H3-3B: variants seen among roughly 807,000 people sequenced by gnomAD.
H3-3B encodes the protein histone H3.3.
A neutral mutation model predicts 13.1 loss-of-function variants in H3-3B; 2 were observed. The observed-to-expected ratio is 0.15, with a 90% CI of 0.06 to 0.48. H3-3B has a LOEUF of 0.48. H3-3B is among the 20% of genes least tolerant of loss of function. H3-3B has a pLI of 0.97. For missense variants in H3-3B, 39 were observed against 186.0 expected, an observed-to-expected ratio of 0.21 and a Z score of 4.60; for synonymous variants, 133 against 75.8, an observed-to-expected ratio of 1.76 and a Z score of -3.92.
rs1599342146 is a variant in H3-3B at position 75,777,349 on chromosome 17, C to A, written c.*1246G>T. On this transcript the variant is annotated 3_prime_UTR_variant, in exon 4 of 4. Coordinates refer to ENST00000254810, the MANE Select transcript of H3-3B (RefSeq NM_005324.5). ...CTTTATAAATAAAAGGTTCCTTTAT[C>A]CACCAAACAACACCTGAAATGATCT... is the stretch of plus-strand genomic sequence containing the variant. The A allele has an allele frequency of 6.6e-6, 1 of 152,556 alleles. No individual in the cohort carries two copies. Among genetic ancestry groups the A allele is most frequent in the Admixed American group, 6.5e-5 (1 of 15,274 alleles). The allele number at this position is 152,556 out of a possible 1,614,324, so 9.5% of individuals were successfully genotyped here.
At position 75,778,562 on chromosome 17, in the gene H3-3B, T is replaced by C. The variant is rs1393589851; in HGVS notation, c.*33A>G. ...AATTAAACCAAAGTATTTTACAGAA[T>C]TTACTACAAAACGCCATAAAAACTG... On this transcript the variant is annotated 3_prime_UTR_variant, in exon 4 of 4. Transcript: ENST00000254810. 1 of 1,593,862 alleles carries C rather than the reference T, an allele frequency of 6.3e-7. No individual in the cohort carries two copies. Among genetic ancestry groups the C allele is most frequent in the Non-Finnish European group, 8.5e-7 (1 of 1,170,756 alleles).
rs1426405174 is a variant in H3-3B, at chr17:75,777,395, C to G, written c.*1200G>C. 6.6e-6 allele frequency: 1 copy of G among 152,588 alleles called. No individual in the cohort carries two copies. The highest frequency in any genetic ancestry group is 6.5e-5 in the Admixed American group (1 of 15,282). 9.5% of individuals were successfully genotyped at this position (152,588 alleles called of 1,614,324 possible). On this transcript the variant is annotated 3_prime_UTR_variant, in exon 4 of 4. Coordinates refer to ENST00000254810, the MANE Select transcript of H3-3B (RefSeq NM_005324.5). ...GATCTAAGTTCAAAACATTAGTATA[C>G]AAGGACCTAGATAATGGGACATGTG...
chr17:75,778,997 G>A lies in H3-3B; in HGVS notation c.129-34C>T, dbSNP rs748325508. The A allele has an allele frequency of 1.2e-5, 19 of 1,612,778 alleles. No individual in the cohort carries two copies. The South Asian group carries it at 2.0e-4, about 17-fold the overall frequency. Reference sequence around the variant, plus strand: ...AGCAGGGGAGGAGTGAGCGGACGCTGCCGCACAAAGCCGGCCACCGCCGGG... The same window carrying A: ...AGCAGGGGAGGAGTGAGCGGACGCTACCGCACAAAGCCGGCCACCGCCGGG... On this transcript the variant is annotated intron_variant, in intron 2 of 3. Transcript: ENST00000254810.
Position 75,778,486 on chromosome 17 carries a change from T to G in H3-3B, c.*109A>C, listed in dbSNP as rs2061649934. On this transcript the variant is annotated 3_prime_UTR_variant, in exon 4 of 4. Coordinates refer to ENST00000254810, the MANE Select transcript of H3-3B (RefSeq NM_005324.5). ...CATCCTGAGTGAAAGATGGAATGAC[T>G]TAAGTACAAATGCAACATATTATAA... The G allele has an allele frequency of 7.6e-6, 11 of 1,440,756 alleles. No individual in the cohort carries two copies. Among genetic ancestry groups the G allele is most frequent in the Non-Finnish European group, 1.9e-6 (2 of 1,056,520 alleles). 89.2% of individuals were successfully genotyped at this position (1,440,756 alleles called of 1,614,324 possible). A position where few individuals can be genotyped will look rare whatever the true frequency, so the allele number is the denominator to read the frequency against.
rs896578760 is a variant in H3-3B at position 75,776,811 on chromosome 17, G to A, written c.*1784C>T. ...TTCCAGACACGCTACAGCATAGCAC[G>A]TTCCAACATCTGATCTTAATCTCAT... On this transcript the variant is annotated 3_prime_UTR_variant, in exon 4 of 4. Coordinates refer to ENST00000254810, the MANE Select transcript of H3-3B (RefSeq NM_005324.5). 5.3e-5 allele frequency: 8 copies of A among 152,214 alleles called. No individual in the cohort carries two copies. The highest frequency in any genetic ancestry group is 9.7e-5 in the African/African-American group (4 of 41,444). The allele number at this position is 152,214 out of a possible 1,614,324, so 9.4% of individuals were successfully genotyped here.
intron 1 of H3-3B, chr17:75,779,442 T>C: frequency 3.2e-6 from 1 of 308,856 alleles, no homozygotes; most frequent in Non-Finnish European, 5.9e-6. Flanking sequence ...GAGGCCCGAC[T>C]GCCCGGAACC....
Position 75,778,679 on chromosome 17 carries a change from G to A in H3-3B, c.327C>T (p.Asn109=), listed in dbSNP as rs1255808540. The change falls in exon 4 of 4, where the codon AAC becomes AAT. Residue 109 remains asparagine (N), a synonymous_variant. Transcript: ENST00000254810. ...AYLVGLFEDT[N]LCAIHAKRVT... ...CTCTCTTAGCGTGGATGGCACACAG[G>A]TTGGTATCTTCGAACAGACCCACCA... is the stretch of plus-strand genomic sequence containing the variant. 1.1e-5 allele frequency: 18 copies of A among 1,614,070 alleles called. No homozygotes were observed. Among genetic ancestry groups the A allele is most frequent in the Non-Finnish European group, 1.4e-5 (17 of 1,180,054 alleles).
rs762139309 is a variant in H3-3B at position 75,778,316 on chromosome 17, GC to G, written c.*278del. On this transcript the variant is annotated 3_prime_UTR_variant, in exon 4 of 4. Coordinates refer to ENST00000254810, the MANE Select transcript of H3-3B (RefSeq NM_005324.5). ...ATTTATCAACTCTAGTACCTTAATA[GC>G]TACCCAACAAGTCATTAACATACAG... 9.1e-5 allele frequency: 39 copies of G among 428,352 alleles called. No individual in the cohort carries two copies. Among genetic ancestry groups the G allele is most frequent in the Non-Finnish European group, 1.6e-4 (37 of 236,038 alleles). The allele number at this position is 428,352 out of a possible 1,614,324, so 26.5% of individuals were successfully genotyped here.
intron 1 of H3-3B, 37 bp from the exon 2 acceptor site, chr17:75,779,221 C>T: frequency 6.9e-6 from 10 of 1,452,490 alleles, no homozygotes; most frequent in Non-Finnish European, 9.1e-6. Context: ...CCGCCGCGCT[C>T]ACCCGGGCCG....
At position 75,777,008 on chromosome 17, in the gene H3-3B, G is replaced by A. The variant is rs763523003; in HGVS notation, c.*1587C>T. 1 of 152,150 alleles carries A rather than the reference G, an allele frequency of 6.6e-6. No individual in the cohort carries two copies. The highest frequency in any genetic ancestry group is 2.1e-4 in the South Asian group (1 of 4,828). 9.4% of individuals were successfully genotyped at this position (152,150 alleles called of 1,614,324 possible). ...ACATTTGAAACTAACCCAAACTTTT[G>A]AGAAAGCAATTTTAATGGGGTATAA... On this transcript the variant is annotated 3_prime_UTR_variant, in exon 4 of 4. Coordinates refer to ENST00000254810, the MANE Select transcript of H3-3B (RefSeq NM_005324.5).
chr17:75,779,552 G>A (rs2061656186), intron 1 of H3-3B, 105 bp downstream of exon 1: 1 of 160,592 alleles, frequency 6.2e-6, no homozygotes, highest in East Asian at 1.8e-4. Context: ...CCGACCCGAC[G>A]CCAGCGGCCC....
chr17:75,778,795 A>C lies in H3-3B; in HGVS notation c.282+15T>G. ...AACCGCCCAGCCCTCCCCCGGCTCC[A>C]GGCCTTTGTCTTACCTGCAGCGCAC... On this transcript the variant is annotated intron_variant, in intron 3 of 3. Transcript: ENST00000254810. 6.2e-7 allele frequency: 1 copy of C among 1,614,100 alleles called. No individual in the cohort carries two copies. The highest frequency in any genetic ancestry group is 1.3e-5 in the African/African-American group (1 of 75,036).
Position 75,778,593 on chromosome 17 carries a change from A to T in H3-3B, c.*2T>A. ...ACAAAACGCCATAAAAACTGCCTTCACTTAAGCTCTCTCTCCCCGTATCCG... is the reference window on the plus strand; with the variant it reads ...ACAAAACGCCATAAAAACTGCCTTCTCTTAAGCTCTCTCTCCCCGTATCCG... On this transcript the variant is annotated 3_prime_UTR_variant, in exon 4 of 4. Transcript: ENST00000254810. 6.2e-7 allele frequency: 1 copy of T among 1,610,658 alleles called. No homozygotes were observed. Among genetic ancestry groups the T allele is most frequent in the Admixed American group, 1.7e-5 (1 of 59,282 alleles).
At chr17:75,779,432 G>A (rs962620937) in intron 1 of H3-3B, 4 of 330,162 alleles carry the variant, frequency 1.2e-5, no homozygotes, top group African/African-American at 4.3e-5. Flanking sequence ...TCGACGGGCG[G>A]AGGCCCGACT....
chr17:75,778,791 C>A lies in H3-3B; in HGVS notation c.282+19G>T, dbSNP rs750002250. ...CGGAAACCGCCCAGCCCTCCCCCGGCTCCAGGCCTTTGTCTTACCTGCAGC... is the reference window on the plus strand; with the variant it reads ...CGGAAACCGCCCAGCCCTCCCCCGGATCCAGGCCTTTGTCTTACCTGCAGC... On this transcript the variant is annotated intron_variant, in intron 3 of 3. Coordinates refer to ENST00000254810, the MANE Select transcript of H3-3B (RefSeq NM_005324.5). The A allele has an allele frequency of 1.2e-6, 2 of 1,614,158 alleles. No individual in the cohort carries two copies. Among genetic ancestry groups the A allele is most frequent in the African/African-American group, 2.7e-5 (2 of 75,054 alleles).
Sources: allele counts gnomAD v4.1 joint callset, GRCh38; gene constraint gnomAD v4.1.1; transcripts MANE v1.5; gene names NCBI Gene and HGNC (gene_info 2026-07-23, HGNC 2026-07-21).